The following EFNA5 variants were observed in gnomAD, a reference collection of about 807,000 sequenced individuals.
EFNA5 encodes ephrin-A5.
Under a neutral mutation model 22.9 loss-of-function variants are expected in EFNA5, and 5 were observed. The ratio of observed to expected loss-of-function variants is 0.22; its 90% CI spans 0.11 to 0.46. The LOEUF is 0.46. Among genes scored for constraint, EFNA5 ranks in the 20% least tolerant of loss-of-function variants. EFNA5 has a pLI of 0.99. For missense variants in EFNA5, 237 were observed against 293.3 expected (o/e 0.81, Z 1.40); for synonymous variants, 113 against 112.2 (o/e 1.01, Z -0.04).
chr5:107,592,000 ATATAT>A (rs1749368586), intron 1 of EFNA5, among the ~76,000 whole-genome samples: 3 of 34,522 alleles, frequency 8.7e-5, no homozygotes, highest in Admixed American at 4.5e-4. Context: ...AATATATATA[ATATAT>A]AATATATATA....
intron 1 of EFNA5, among the ~76,000 whole-genome samples, chr5:107,651,857 T>C (rs781780743): frequency 6.6e-6 from 1 of 152,142 alleles, no homozygotes; most frequent in Non-Finnish European, 1.5e-5. Context: ...AGTATTCTGT[T>C]ATATTTACAA....
intron 1 of EFNA5, among the ~76,000 whole-genome samples, chr5:107,618,137 T>A (rs1167527219): frequency 6.6e-6 from 1 of 152,232 alleles, no homozygotes; most frequent in Non-Finnish European, 1.5e-5. Context: ...AATATCTTTA[T>A]GTGCATAGTA....
At chr5:107,482,868 CTCTA>C (rs1183209659) in intron 1 of EFNA5, among the ~76,000 whole-genome samples, 2,168 of 42,630 alleles carry the variant, frequency 0.051, 15 homozygotes, top group Non-Finnish European at 0.066. Flanking sequence ...CTCTCTCTCT[CTCTA>C]TATATATATA....
intron 1 of EFNA5, among the ~76,000 whole-genome samples, chr5:107,503,793 C>T (rs1044443596): frequency 1.6e-4 from 25 of 152,020 alleles, no homozygotes; most frequent in African/African-American, 6.0e-4. Context: ...AAATTGTTTA[C>T]CCATTAAAAA....
chr5:107,537,884 A>G (rs759266231), intron 1 of EFNA5, among the ~76,000 whole-genome samples: 1 of 152,234 alleles, frequency 6.6e-6, no homozygotes, highest in Non-Finnish European at 1.5e-5. Flanking sequence ...AGTTATGGAA[A>G]GAAGCCAGAT....
intron 1 of EFNA5, among the ~76,000 whole-genome samples, chr5:107,532,697 G>A (rs1451316955): frequency 6.6e-6 from 1 of 152,174 alleles, no homozygotes; most frequent in African/African-American, 2.4e-5. Context: ...GCACCAGAGT[G>A]ACCTCTACCC....
At chr5:107,655,436 TA>T in intron 1 of EFNA5, among the ~76,000 whole-genome samples, 1 of 152,260 alleles carries the variant, frequency 6.6e-6, no homozygotes, top group African/African-American at 2.4e-5. Flanking sequence ...AGAAATCTGT[TA>T]TGCAGAGTTC....
intron 1 of EFNA5, among the ~76,000 whole-genome samples, chr5:107,633,496 C>A (rs1750303875): frequency 6.6e-6 from 1 of 152,224 alleles, no homozygotes; most frequent in African/African-American, 2.4e-5. Context: ...CGCCTCATGG[C>A]ACTGCTGCGT....
intron 2 of EFNA5, among the ~76,000 whole-genome samples, chr5:107,401,386 T>C (rs1288729759): frequency 6.6e-6 from 1 of 152,224 alleles, no homozygotes; most frequent in East Asian, 1.9e-4. Flanking sequence ...CTTTGAAGTT[T>C]GCTAATTACA....
intron 1 of EFNA5, among the ~76,000 whole-genome samples, chr5:107,489,789 C>T (rs1266278548): frequency 6.6e-6 from 1 of 152,144 alleles, no homozygotes; most frequent in African/African-American, 2.4e-5. Flanking sequence ...GGAAAGTTCT[C>T]TGAGTGGCCT....
intron 1 of EFNA5, among the ~76,000 whole-genome samples, chr5:107,574,551 T>A (rs532927459): frequency 2.0e-5 from 3 of 152,268 alleles, no homozygotes; most frequent in African/African-American, 7.2e-5. Flanking sequence ...ATAAGAAGAT[T>A]TTTTTCCCCC....
At chr5:107,655,970 G>A (rs1580585103) in intron 1 of EFNA5, among the ~76,000 whole-genome samples, 1 of 152,142 alleles carries the variant, frequency 6.6e-6, no homozygotes, top group Non-Finnish European at 1.5e-5. Context: ...GTTAAACCCT[G>A]CTCTTCTGGC....
At chr5:107,448,583 C>A (rs1416529848) in intron 1 of EFNA5, among the ~76,000 whole-genome samples, 3 of 152,042 alleles carry the variant, frequency 2.0e-5, no homozygotes, top group Admixed American at 6.6e-5. Context: ...GTAATCCCAG[C>A]ACTTTGGAAG....
At chr5:107,584,741 T>C (rs749353307) in intron 1 of EFNA5, among the ~76,000 whole-genome samples, 11 of 152,194 alleles carry the variant, frequency 7.2e-5, no homozygotes, top group Non-Finnish European at 1.2e-4. Flanking sequence ...CATGGGACTT[T>C]GTGTGAATTT....
intron 1 of EFNA5, among the ~76,000 whole-genome samples, chr5:107,514,867 G>A (rs1267698517): frequency 6.6e-6 from 1 of 152,172 alleles, no homozygotes; most frequent in Non-Finnish European, 1.5e-5. Flanking sequence ...AAATTAGGCA[G>A]ATAGCAAGGG....
chr5:107,583,261 C>A (rs997493965), intron 1 of EFNA5, among the ~76,000 whole-genome samples: 5 of 152,016 alleles, frequency 3.3e-5, no homozygotes, highest in Non-Finnish European at 1.5e-5. Flanking sequence ...AAGAGAATGT[C>A]CAAATAAGTC....
intron 1 of EFNA5, among the ~76,000 whole-genome samples, chr5:107,570,565 T>C (rs1000313019): frequency 2.0e-5 from 3 of 151,336 alleles, no homozygotes; most frequent in Non-Finnish European, 4.4e-5. Flanking sequence ...GGTGTCCAAA[T>C]GGATTCACAA....
chr5:107,554,082 C>T (rs1035272306), intron 1 of EFNA5, among the ~76,000 whole-genome samples: 1 of 152,134 alleles, frequency 6.6e-6, no homozygotes, highest in African/African-American at 2.4e-5. Flanking sequence ...GATAAAAATT[C>T]TATATGCAGA....
Position 107,377,982 on chromosome 5 carries a change from A to G in EFNA5, c.*3273T>C, listed in dbSNP as rs535574842. On this transcript the variant is annotated 3_prime_UTR_variant, in exon 5 of 5. Transcript: ENST00000333274. Reference sequence around the variant, plus strand: ...ATTGGGTGGGCAATGACCACACATGAGTCCTGTATGGAGCAGTGTCTCAGC... The same window carrying G: ...ATTGGGTGGGCAATGACCACACATGGGTCCTGTATGGAGCAGTGTCTCAGC... The G allele has an allele frequency of 6.6e-6, 1 of 152,136 alleles. No individual in the cohort carries two copies. The highest frequency in any genetic ancestry group is 6.5e-5 in the Admixed American group (1 of 15,276). 9.4% of individuals were successfully genotyped at this position (152,136 alleles called of 1,614,324 possible). A position where few individuals can be genotyped will look rare whatever the true frequency, so the allele number is the denominator to read the frequency against.
Sources: allele counts gnomAD v4.1 joint callset (sites outside exome capture counted in the v4.1 genomes callset), GRCh38; gene constraint gnomAD v4.1.1; transcripts MANE v1.5; gene names NCBI Gene and HGNC (gene_info 2026-07-23, HGNC 2026-07-21).